RB1: variants seen among roughly 807,000 people sequenced by gnomAD.
RB1 encodes RB transcriptional corepressor 1, also known as retinoblastoma-associated protein.
RB1 carries 18 observed loss-of-function variants against 135.4 expected under a neutral mutation model. The observed-to-expected ratio is 0.13, with a 90% CI of 0.09 to 0.20. The LOEUF is 0.20. Ranked by LOEUF, RB1 falls within the 10% of genes least tolerant of loss-of-function variation. The pLI is 1.00. For missense variants in RB1, 868 were observed against 1,110.0 expected (o/e 0.78, Z 3.10); for synonymous variants, 365 against 373.2 (o/e 0.98, Z 0.25).
chr13:48,376,222 CG>C (rs1952820554), intron 12 of RB1, among the ~76,000 whole-genome samples: 1 of 151,838 alleles, frequency 6.6e-6, no homozygotes, highest in Non-Finnish European at 1.5e-5. Context: ...GGAAATGGTC[CG>C]GGCATGGTGG....
intron 2 of RB1, among the ~76,000 whole-genome samples, chr13:48,313,704 T>G (rs1004151168): frequency 7.9e-5 from 12 of 151,594 alleles, no homozygotes; most frequent in African/African-American, 2.9e-4. Flanking sequence ...AGGGTTTATT[T>G]CTGGAGTCTC....
rs187914506 is a variant in RB1, at chr13:48,419,203, A to T, written c.1696-33790A>T. Among the ~76,000 whole-genome samples, 206 of 152,370 alleles carry T rather than the reference A, an allele frequency of 1.4e-3. 2 individuals are homozygous for T. The highest frequency in any genetic ancestry group is 0.01 in the Middle Eastern group (3 of 294). On this transcript the variant is annotated intron_variant, in intron 17 of 26. Coordinates refer to ENST00000267163, the MANE Select transcript of RB1 (RefSeq NM_000321.3). ...AACACAGTCTCTGAGACCTCAGTGC[A>T]ATCAAATTAGAACTCAGGATTAAGA... is the stretch of plus-strand genomic sequence containing the variant.
intron 23 of RB1, 104 bp downstream of exon 23, chr13:48,465,472 C>G: frequency 1.7e-6 from 2 of 1,166,104 alleles, no homozygotes; most frequent in Non-Finnish European, 2.5e-6. Flanking sequence ...AAGCTAGACT[C>G]TTGAAACTCT....
At chr13:48,414,668 A>T (rs1948877682) in intron 17 of RB1, among the ~76,000 whole-genome samples, 1 of 152,088 alleles carries the variant, frequency 6.6e-6, no homozygotes, top group South Asian at 2.1e-4. Flanking sequence ...TTACAGTAAA[A>T]TGTTTTGTGT....
chr13:48,432,719 T>C (rs1483022351), intron 17 of RB1, among the ~76,000 whole-genome samples: 1 of 152,194 alleles, frequency 6.6e-6, no homozygotes, highest in Non-Finnish European at 1.5e-5. Flanking sequence ...GTCAATTATT[T>C]GTCCTAACTA....
Position 48,457,686 on chromosome 13 carries a change from C to A in RB1, c.1960+1337C>A, listed in dbSNP as rs4151589. Among the ~76,000 whole-genome samples the A allele has an allele frequency of 4.1e-3, 621 of 151,314 alleles. 15 individuals carry two copies. Among genetic ancestry groups the A allele is most frequent in the Admixed American group, 0.033 (505 of 15,264 alleles). On this transcript the variant is annotated intron_variant, in intron 19 of 26. Coordinates refer to ENST00000267163, the MANE Select transcript of RB1 (RefSeq NM_000321.3). ...CTGCCCTCAGCCCCCGCCTCGGCTT[C>A]CCCCCCGTGCTCGTCAGCGCCCAAA...
At chr13:48,438,549 C>T (rs1949205946) in intron 17 of RB1, among the ~76,000 whole-genome samples, 1 of 151,478 alleles carries the variant, frequency 6.6e-6, no homozygotes, top group African/African-American at 2.4e-5. Context: ...TTTTTATTTA[C>T]TTATCTGTTT....
intron 11 of RB1, among the ~76,000 whole-genome samples, chr13:48,371,553 A>G (rs893454690): frequency 2.0e-5 from 3 of 152,156 alleles, no homozygotes; most frequent in Non-Finnish European, 4.4e-5. Flanking sequence ...GATTTGATAA[A>G]TATTTGATGA....
In RB1 at chr13:48,319,861, G is replaced by A; in HGVS notation, c.264+12455G>A. 3.0e-6 allele frequency: 1 copy of A among 334,016 alleles called. No homozygotes were observed. Among genetic ancestry groups the A allele is most frequent in the Non-Finnish European group, 5.9e-6 (1 of 170,310 alleles). 20.7% of individuals were successfully genotyped at this position (334,016 alleles called of 1,614,324 possible). A position where few individuals can be genotyped will look rare whatever the true frequency, so the allele number is the denominator to read the frequency against. Reference sequence around the variant, plus strand: ...GCTGCTCGCTCTGACCGGGAAGGCAGAACCCTAGTCCTCACTGGATCTCAC... The same window carrying A: ...GCTGCTCGCTCTGACCGGGAAGGCAAAACCCTAGTCCTCACTGGATCTCAC... On this transcript the variant is annotated intron_variant, in intron 2 of 26. Transcript: ENST00000267163. The surrounding 1 kb of genome is among the most constrained non-coding windows in gnomAD (Gnocchi z 5.0).
intron 17 of RB1, chr13:48,412,429 A>C: frequency 6.2e-7 from 1 of 1,609,566 alleles, no homozygotes; most frequent in African/African-American, 1.3e-5. Context: ...ACCATCGTAA[A>C]GGCACGTCCA....
chr13:48,319,788 C>A lies in RB1; in HGVS notation c.264+12382C>A. On this transcript the variant is annotated intron_variant, in intron 2 of 26. Transcript: ENST00000267163. The surrounding 1 kb of genome is among the most constrained non-coding windows in gnomAD (Gnocchi z 5.0). ...GGGTCGCATGCTATCTCTTCTCATT[C>A]AGAAGCTGTTCTATTTCCGCCTTAA... 3.4e-6 allele frequency: 1 copy of A among 293,594 alleles called. No homozygotes were observed. The highest frequency in any genetic ancestry group is 8.3e-5 in the East Asian group (1 of 11,996). The allele number at this position is 293,594 out of a possible 1,614,324, so 18.2% of individuals were successfully genotyped here.
chr13:48,309,910 T>C (rs1246652150), intron 2 of RB1, among the ~76,000 whole-genome samples: 1 of 152,148 alleles, frequency 6.6e-6, no homozygotes, highest in Non-Finnish European at 1.5e-5. Context: ...CCTGGCTTTG[T>C]CTCTACCTTC....
At chr13:48,326,355 G>A (rs748744075) in intron 2 of RB1, among the ~76,000 whole-genome samples, 3 of 151,014 alleles carry the variant, frequency 2.0e-5, no homozygotes, top group Non-Finnish European at 4.4e-5. Context: ...TTTTGGTCTT[G>A]TTTTTTGTTT....
intron 17 of RB1, among the ~76,000 whole-genome samples, chr13:48,403,376 C>T (rs994343886): frequency 6.6e-6 from 1 of 152,082 alleles, no homozygotes; most frequent in Non-Finnish European, 1.5e-5. Flanking sequence ...TGAAACCCAG[C>T]AGTACTCAGA....
Position 48,367,587 on chromosome 13 carries a change from A to G in RB1, c.1033A>G (p.Thr345Ala). The G allele has an allele frequency of 6.2e-7, 1 of 1,604,512 alleles. No individual in the cohort carries two copies. Among genetic ancestry groups the G allele is most frequent in the Non-Finnish European group, 8.5e-7 (1 of 1,174,056 alleles). ...TTTGGATCATGATAAAACTCTTCAG[A>G]CTGATTCTATAGACAGGTATTGCAC... ...LFLDHDKTLQ[T>A]DSIDSFETQR... is the part of the protein sequence containing the mutation. Residue 345 changes from threonine (T) to alanine (A), a missense_variant, in exon 10 of 27, where the codon ACT (threonine) becomes GCT (alanine). Physicochemically the swap from Thr to Ala is moderately conservative, Grantham distance 58. Around this residue, in one of 3 missense-constraint regions of RB1, gnomAD observed 641 missense variants for 791.3 expected, o/e 0.81. Coordinates refer to ENST00000267163, the MANE Select transcript of RB1 (RefSeq NM_000321.3).
chr13:48,387,929 C>T (rs1362870017), intron 17 of RB1, among the ~76,000 whole-genome samples: 1 of 152,094 alleles, frequency 6.6e-6, no homozygotes, highest in African/African-American at 2.4e-5. Flanking sequence ...CTCACACAAC[C>T]ATGTTTGTTT....
chr13:48,366,885 G>A (rs1312866949), intron 9 of RB1, among the ~76,000 whole-genome samples: 1 of 152,074 alleles, frequency 6.6e-6, no homozygotes, highest in African/African-American at 2.4e-5. Context: ...TTGGGAGGCC[G>A]AGGCAGGTGG....
chr13:48,365,538 A>G (rs1952686101), intron 9 of RB1, among the ~76,000 whole-genome samples: 1 of 152,196 alleles, frequency 6.6e-6, no homozygotes, highest in Admixed American at 6.5e-5. Flanking sequence ...AGAACAGAAT[A>G]ACTGAGAGCT....
chr13:48,345,225 A>ATGT, intron 4 of RB1, 26 bp downstream of exon 4: 1 of 1,601,516 alleles, frequency 6.2e-7, no homozygotes, highest in Non-Finnish European at 8.5e-7. Flanking sequence ...TATTAGGTTT[A>ATGT]CACTCTGATT....
Sources: gnomAD v4.1 joint callset for allele counts (sites outside exome capture counted in the v4.1 genomes callset) on GRCh38, gnomAD v4.1.1 for gene constraint, gnomAD v4.1.1 regional missense constraint, Gnocchi (gnomAD v3.1) non-coding constraint, MANE v1.5 for transcripts, NCBI Gene and HGNC (gene_info 2026-07-23, HGNC 2026-07-21) for gene names.